AFG2A: variants seen among roughly 807,000 people sequenced by gnomAD.
AFG2A encodes the protein ATPase family gene 2 protein homolog A.
chr4:123,074,095 A>ATTTTTT, the AFG2A span, among the ~76,000 whole-genome samples: 27 of 102,046 alleles, frequency 2.6e-4, 5 homozygotes, highest in African/African-American at 4.7e-4. Flanking sequence ...CTCAGATAGT[A>ATTTTTT]TTTTTTTTTT....
chr4:123,092,803 A>G, the AFG2A span, among the ~76,000 whole-genome samples: 7 of 152,168 alleles, frequency 4.6e-5, no homozygotes, highest in Non-Finnish European at 1.0e-4. Context: ...GTCAGCTAGG[A>G]GCCACTCCCA....
At chr4:123,077,540 A>G in the AFG2A span, among the ~76,000 whole-genome samples, 1 of 152,224 alleles carries the variant, frequency 6.6e-6, no homozygotes, top group Non-Finnish European at 1.5e-5. Context: ...CACAGCAAGC[A>G]GCAAGAATAT....
chr4:123,284,306 G>T, the AFG2A span, among the ~76,000 whole-genome samples: 1 of 152,162 alleles, frequency 6.6e-6, no homozygotes, highest in Non-Finnish European at 1.5e-5. Context: ...TGGGGCTGAG[G>T]TTAAGCTTTA....
chr4:123,010,108 G>A, the AFG2A span, among the ~76,000 whole-genome samples: 173 of 152,222 alleles, frequency 1.1e-3, no homozygotes, highest in Non-Finnish European at 1.9e-3. Flanking sequence ...AGAATCTGGA[G>A]TAAAACTCCA....
At chr4:122,937,207 G>A in the AFG2A span, among the ~76,000 whole-genome samples, 2,085 of 152,134 alleles carry the variant, frequency 0.014, 51 homozygotes, top group African/African-American at 0.047. Context: ...TATGAGTGAC[G>A]TTATGTTTGA....
chr4:123,080,137 C>G, the AFG2A span, among the ~76,000 whole-genome samples: 1 of 152,124 alleles, frequency 6.6e-6, no homozygotes. Context: ...TATTGAAGCC[C>G]TAACCCCGAA....
At chr4:122,988,747 G>T in the AFG2A span, among the ~76,000 whole-genome samples, 4 of 152,234 alleles carry the variant, frequency 2.6e-5, no homozygotes, top group Non-Finnish European at 5.9e-5. Flanking sequence ...TTCTGGGTCT[G>T]TTGTAATGTG....
At chr4:123,311,625 C>CAAAAAAAAAA in the AFG2A span, among the ~76,000 whole-genome samples, 7 of 92,234 alleles carry the variant, frequency 7.6e-5, no homozygotes, top group Admixed American at 1.2e-4. Flanking sequence ...GACTCTGTCT[C>CAAAAAAAAAA]AAAAAAAAAA....
the AFG2A span, among the ~76,000 whole-genome samples, chr4:123,175,286 A>T: frequency 6.6e-6 from 1 of 152,190 alleles, no homozygotes; most frequent in African/African-American, 2.4e-5. Flanking sequence ...TGTAGACCAT[A>T]AGAAAAATGC....
the AFG2A span, among the ~76,000 whole-genome samples, chr4:123,035,238 A>G: frequency 6.6e-6 from 1 of 152,194 alleles, no homozygotes; most frequent in African/African-American, 2.4e-5. Context: ...TAGTCTCACC[A>G]GGAACTATGT....
chr4:123,200,500 G>T, the AFG2A span, among the ~76,000 whole-genome samples: 1 of 152,162 alleles, frequency 6.6e-6, no homozygotes, highest in African/African-American at 2.4e-5. Context: ...GGGACTGATG[G>T]CATACGCAAT....
At chr4:122,994,590 A>T in the AFG2A span, among the ~76,000 whole-genome samples, 5 of 152,110 alleles carry the variant, frequency 3.3e-5, no homozygotes, top group Non-Finnish European at 1.5e-5. Flanking sequence ...GAAGTAATTC[A>T]TCTTTATACT....
the AFG2A span, among the ~76,000 whole-genome samples, chr4:122,999,913 C>T: frequency 6.6e-6 from 1 of 152,154 alleles, no homozygotes; most frequent in Non-Finnish European, 1.5e-5. Flanking sequence ...TGGCCATTTT[C>T]ACGATATTGA....
chr4:123,103,702 T>C, the AFG2A span, among the ~76,000 whole-genome samples: 2 of 152,180 alleles, frequency 1.3e-5, no homozygotes, highest in South Asian at 2.1e-4. Flanking sequence ...AAGACCTGTT[T>C]GTAATGTTTA....
the AFG2A span, among the ~76,000 whole-genome samples, chr4:123,180,682 A>C: frequency 6.6e-6 from 1 of 152,224 alleles, no homozygotes; most frequent in African/African-American, 2.4e-5. Context: ...AGCTACCTTA[A>C]AACATTTCAG....
the AFG2A span, among the ~76,000 whole-genome samples, chr4:123,045,381 T>G: frequency 8.5e-4 from 129 of 152,358 alleles, 1 homozygote; most frequent in African/African-American, 2.6e-3. Context: ...ATTATTATTG[T>G]CACTCAAGTT....
the AFG2A span, among the ~76,000 whole-genome samples, chr4:123,175,173 A>G: frequency 6.6e-6 from 1 of 152,206 alleles, no homozygotes; most frequent in Non-Finnish European, 1.5e-5. Context: ...TACATTGTCA[A>G]AACTAAAGAT....
At chr4:123,127,371 A>G in the AFG2A span, among the ~76,000 whole-genome samples, 2 of 152,170 alleles carry the variant, frequency 1.3e-5, no homozygotes, top group Admixed American at 1.3e-4. Context: ...TCACATCAGC[A>G]GAGGGCAGTC....
At chr4:123,154,314 A>G in the AFG2A span, among the ~76,000 whole-genome samples, 1 of 152,176 alleles carries the variant, frequency 6.6e-6, no homozygotes, top group East Asian at 1.9e-4. Flanking sequence ...TATTCATCAA[A>G]GTATATACAT....
Sources: allele counts gnomAD v4.1 joint callset (sites outside exome capture counted in the v4.1 genomes callset), GRCh38; gene constraint gnomAD v4.1.1; transcripts MANE v1.5; gene names NCBI Gene and HGNC (gene_info 2026-07-23, HGNC 2026-07-21).